Variants in ZNF366 observed in about 807,000 individuals in gnomAD.
The protein encoded by ZNF366 is dendritic cell-specific transcript protein.
A neutral mutation model predicts 47.2 loss-of-function variants in ZNF366; 20 were observed. The observed-to-expected ratio is 0.42, with a 90% CI of 0.30 to 0.62. The LOEUF is 0.62. Ranked by LOEUF, ZNF366 falls within the 20% of genes least tolerant of loss-of-function variation. The probability of loss-of-function intolerance (pLI) is 0.16; values close to 1 mark genes in which losing one functional copy is unlikely to be tolerated. For missense variants in ZNF366, 987 were observed against 976.3 expected, an observed-to-expected ratio of 1.01 and a Z score of -0.15; for synonymous variants, 421 against 395.1, an observed-to-expected ratio of 1.07 and a Z score of -0.78.
chr5:72,462,803 G>A (rs1025006964), intron 1 of ZNF366, among the ~76,000 whole-genome samples: 26 of 152,010 alleles, frequency 1.7e-4, no homozygotes, highest in African/African-American at 5.1e-4. Context: ...CACCCGCCTC[G>A]GCCTCCCACA....
Position 72,443,719 on chromosome 5 carries a change from C to T in ZNF366, c.*37G>A, listed in dbSNP as rs4267851. 5 of 1,581,786 alleles carry T rather than the reference C, an allele frequency of 3.2e-6. No individual in the cohort carries two copies. Among genetic ancestry groups the T allele is most frequent in the African/African-American group, 1.4e-5 (1 of 73,438 alleles). On this transcript the variant is annotated 3_prime_UTR_variant, in exon 5 of 5. Coordinates refer to ENST00000318442, the MANE Select transcript of ZNF366 (RefSeq NM_152625.3). ...CAGAAAGCTATATTTGAACTGCCTCCTTCTCATTTTCCAAATGTAATTTTA... is the reference window on the plus strand; with the variant it reads ...CAGAAAGCTATATTTGAACTGCCTCTTTCTCATTTTCCAAATGTAATTTTA...
intron 3 of ZNF366, among the ~76,000 whole-genome samples, 165 bp downstream of exon 3, chr5:72,456,239 G>A (rs1467115894): frequency 6.6e-6 from 1 of 152,190 alleles, no homozygotes; most frequent in Non-Finnish European, 1.5e-5. Flanking sequence ...TGTAAGTGGG[G>A]CGTGCAGAGA....
chr5:72,442,633 A>G lies in ZNF366; in HGVS notation c.*1123T>C, dbSNP rs1437386374. On this transcript the variant is annotated 3_prime_UTR_variant, in exon 5 of 5. Transcript: ENST00000318442. ...GAAAGCCCCCTGGTCACTGGTGACAAGTCTTCCTGCATCTGTCCTTTTTTT... is the reference window on the plus strand; with the variant it reads ...GAAAGCCCCCTGGTCACTGGTGACAGGTCTTCCTGCATCTGTCCTTTTTTT... 1 of 150,154 alleles carries G rather than the reference A, an allele frequency of 6.7e-6. No individual in the cohort carries two copies. The highest frequency in any genetic ancestry group is 1.5e-5 in the Non-Finnish European group (1 of 68,086). The allele number at this position is 150,154 out of a possible 1,614,324, so 9.3% of individuals were successfully genotyped here.
At chr5:72,453,263 C>G (rs1037997033) in intron 3 of ZNF366, among the ~76,000 whole-genome samples, 4 of 152,210 alleles carry the variant, frequency 2.6e-5, no homozygotes, top group African/African-American at 9.7e-5. Context: ...AAGCCTCTTC[C>G]TTGTTGTGAG....
chr5:72,498,068 A>G (rs149517257), intron 1 of ZNF366, among the ~76,000 whole-genome samples: 73 of 152,234 alleles, frequency 4.8e-4, no homozygotes, highest in African/African-American at 1.7e-3. Context: ...ATGCAATAAA[A>G]TGCATGATAA....
At chr5:72,454,773 C>T (rs990333615) in intron 3 of ZNF366, among the ~76,000 whole-genome samples, 4 of 152,170 alleles carry the variant, frequency 2.6e-5, no homozygotes, top group African/African-American at 9.7e-5. Flanking sequence ...AAACCCTTTG[C>T]AAGAAGAAAC....
Position 72,507,315 on chromosome 5 carries a change from C to A in ZNF366, c.-79G>T, listed in dbSNP as rs992478160. 16 of 985,366 alleles carry A rather than the reference C, an allele frequency of 1.6e-5. No homozygotes were observed. Among genetic ancestry groups the A allele is most frequent in the African/African-American group, 1.7e-5 (1 of 57,200 alleles). The allele number at this position is 985,366 out of a possible 1,614,324, so 61.0% of individuals were successfully genotyped here. A position where few individuals can be genotyped will look rare whatever the true frequency, so the allele number is the denominator to read the frequency against. Reference sequence around the variant, plus strand: ...TTTACCTGATCCCTGCTCTCTCTGTCTCTCTCCCTCTCTCTCTCCCTCTTT... The same window carrying A: ...TTTACCTGATCCCTGCTCTCTCTGTATCTCTCCCTCTCTCTCTCCCTCTTT... On this transcript the variant is annotated 5_prime_UTR_variant, in exon 1 of 5. Transcript: ENST00000318442.
intron 1 of ZNF366, among the ~76,000 whole-genome samples, chr5:72,481,175 T>G (rs1743784032): frequency 6.6e-6 from 1 of 152,204 alleles, no homozygotes; most frequent in South Asian, 2.1e-4. Flanking sequence ...GCAGTAGAGA[T>G]AAGCTGGCTA....
Position 72,443,711 on chromosome 5 carries a change from A to T in ZNF366, c.*45T>A. 6.4e-7 allele frequency: 1 copy of T among 1,562,822 alleles called. No homozygotes were observed. Among genetic ancestry groups the T allele is most frequent in the Non-Finnish European group, 8.7e-7 (1 of 1,155,020 alleles). Reference sequence around the variant, plus strand: ...AGTTCATGCAGAAAGCTATATTTGAACTGCCTCCTTCTCATTTTCCAAATG... The same window carrying T: ...AGTTCATGCAGAAAGCTATATTTGATCTGCCTCCTTCTCATTTTCCAAATG... On this transcript the variant is annotated 3_prime_UTR_variant, in exon 5 of 5. Coordinates refer to ENST00000318442, the MANE Select transcript of ZNF366 (RefSeq NM_152625.3).
Position 72,460,764 on chromosome 5 carries a change from C to T in ZNF366, c.733G>A (p.Asp245Asn). 1.9e-6 allele frequency: 3 copies of T among 1,614,220 alleles called. No individual in the cohort carries two copies. The highest frequency in any genetic ancestry group is 2.2e-5 in the South Asian group (2 of 91,088). ...NVQIDDSYYVDVGGSQKRWQC... is the reference protein window; with the variant it reads ...NVQIDDSYYVNVGGSQKRWQC... ...CAGCGCTTCTGCGAGCCGCCCACGT[C>T]CACGTAGTAGCTGTCATCGATCTGC... The change falls in exon 2 of 5, where the codon GAC becomes AAC. Residue 245 changes from aspartate (D) to asparagine (N), a missense_variant. This residue lies in a region of ZNF366 where 591 missense variants were observed against 560.9 expected (regional missense o/e 1.05). Coordinates refer to ENST00000318442, the MANE Select transcript of ZNF366 (RefSeq NM_152625.3).
At chr5:72,490,414 A>G (rs144649465) in intron 1 of ZNF366, among the ~76,000 whole-genome samples, 313 of 152,314 alleles carry the variant, frequency 2.1e-3, no homozygotes, top group African/African-American at 7.2e-3. Flanking sequence ...AAAACAGATG[A>G]GATAGAGCTG....
chr5:72,462,550 T>TCTTTCTTTC (rs1554031612), intron 1 of ZNF366, among the ~76,000 whole-genome samples: 23 of 133,924 alleles, frequency 1.7e-4, no homozygotes, highest in African/African-American at 4.0e-4. Flanking sequence ...TTTCTTTCTT[T>TCTTTCTTTC]TTTTTTTTTT....
In ZNF366 at chr5:72,455,109, C is replaced by T. The variant is rs192282662; in HGVS notation, c.1524+1295G>A. Among the ~76,000 whole-genome samples, 19 of 152,228 alleles carry T rather than the reference C, an allele frequency of 1.2e-4. 1 individual carries two copies. Among genetic ancestry groups the T allele is most frequent in the Admixed American group, 5.9e-4 (9 of 15,290 alleles). ...GACGGATGTAAATTGACTTTCGAAC[C>T]ACTGGGAATATGAAGAAAAGGAGGG... is the stretch of plus-strand genomic sequence containing the variant. On this transcript the variant is annotated intron_variant, in intron 3 of 4. Coordinates refer to ENST00000318442, the MANE Select transcript of ZNF366 (RefSeq NM_152625.3).
chr5:72,481,707 G>T (rs1027611938), intron 1 of ZNF366, among the ~76,000 whole-genome samples: 6 of 152,164 alleles, frequency 3.9e-5, no homozygotes, highest in Admixed American at 1.3e-4. Context: ...CATTAAGTAA[G>T]CTCCTACATT....
rs370225917 is a variant in ZNF366, at chr5:72,461,438, T to C, written c.59A>G (p.Lys20Arg). ...GCAGTGGGGAAAGGAGGGGGTCTTC[T>C]TCACAGCCAAGTCGAAATGCACATC... ...DEDVHFDLAV[K>R]KTPSFPHCLQ... The change falls in exon 2 of 5, where the codon AAG (lysine) becomes AGG (arginine). Residue 20 changes from lysine (K) to arginine (R), a missense_variant. Transcript: ENST00000318442. The C allele has an allele frequency of 5.0e-6, 8 of 1,603,188 alleles. No homozygotes were observed. In the African/African-American group the frequency reaches 1.1e-4, roughly 22 times the overall value.
chr5:72,477,579 G>A (rs1171722301), intron 1 of ZNF366, among the ~76,000 whole-genome samples: 1 of 152,200 alleles, frequency 6.6e-6, no homozygotes, highest in Admixed American at 6.5e-5. Context: ...TAACAATAAT[G>A]ATAGCTATTA....
At chr5:72,481,375 T>C (rs1009367070) in intron 1 of ZNF366, among the ~76,000 whole-genome samples, 1 of 152,206 alleles carries the variant, frequency 6.6e-6, no homozygotes, top group African/African-American at 2.4e-5. Context: ...ACTGTGTTAA[T>C]ATTTTGGTCC....
chr5:72,468,481 T>C (rs1266514214), intron 1 of ZNF366, among the ~76,000 whole-genome samples: 2 of 152,222 alleles, frequency 1.3e-5, no homozygotes, highest in Non-Finnish European at 2.9e-5. Flanking sequence ...ACAAAATCAA[T>C]TTTTGAAAGT....
At chr5:72,494,264 T>C (rs1283942216) in intron 1 of ZNF366, 1 of 152,226 alleles carries the variant, frequency 6.6e-6, no homozygotes, top group East Asian at 1.9e-4. Flanking sequence ...CCGAATCCTT[T>C]ACTCTGTCTG....
Sources: allele counts gnomAD v4.1 joint callset (sites outside exome capture counted in the v4.1 genomes callset), GRCh38; gene constraint gnomAD v4.1.1; regional missense constraint gnomAD v4.1.1; transcripts MANE v1.5; gene names NCBI Gene and HGNC (gene_info 2026-07-23, HGNC 2026-07-21).